Variants in APBA1 observed in about 807,000 individuals in gnomAD.
The protein encoded by APBA1 is amyloid beta precursor protein binding family A member 1.
APBA1 carries 55 observed loss-of-function variants against 86.6 expected under a neutral mutation model. The ratio of observed to expected loss-of-function variants is 0.64; its 90% confidence interval spans 0.51 to 0.80. The LOEUF is 0.80. APBA1 is among the 30% of genes least tolerant of loss of function. The probability of loss-of-function intolerance (pLI) is 0.00; values close to 1 mark genes in which losing one functional copy is unlikely to be tolerated. For synonymous variants in APBA1, 511 were observed against 493.9 expected (o/e 1.03, Z -0.46); for missense variants, 1,090 against 1,183.0 (o/e 0.92, Z 1.15).
intron 8 of APBA1, among the ~76,000 whole-genome samples, chr9:69,452,837 T>C (rs1466679682): frequency 3.9e-5 from 6 of 152,232 alleles, no homozygotes; most frequent in African/African-American, 1.4e-4. Context: ...CTTTGGAAAA[T>C]CAACATCAGC....
At chr9:69,619,947 C>A (rs1332824711) in intron 1 of APBA1, among the ~76,000 whole-genome samples, 1 of 152,164 alleles carries the variant, frequency 6.6e-6, no homozygotes, top group Non-Finnish European at 1.5e-5. Context: ...TTTGTATTCT[C>A]GGTTTCTACG....
chr9:69,620,736 G>A (rs1410929879), intron 1 of APBA1, among the ~76,000 whole-genome samples: 2 of 152,294 alleles, frequency 1.3e-5, no homozygotes, highest in Middle Eastern at 3.4e-3. Flanking sequence ...CAGATAGCAA[G>A]GAGAAACCCA....
chr9:69,630,269 G>A lies in APBA1; in HGVS notation c.-70+41884C>T, dbSNP rs116794908. ...AGAAAGAAGAATGACTGGGCATAAC[G>A]ATCAGGGGACGGGGCCAGCAACATG... On this transcript the variant is annotated intron_variant, in intron 1 of 12. Transcript: ENST00000265381. Among the ~76,000 whole-genome samples, 705 of 152,184 alleles carry A rather than the reference G, an allele frequency of 4.6e-3. 5 individuals are homozygous for A. The highest frequency in any genetic ancestry group is 0.01 in the Middle Eastern group (3 of 294).
chr9:69,667,450 C>T (rs754990535), intron 1 of APBA1, among the ~76,000 whole-genome samples: 3 of 151,876 alleles, frequency 2.0e-5, no homozygotes, highest in Non-Finnish European at 4.4e-5. Flanking sequence ...TGTCATTCTA[C>T]TCCTGGCTTC....
chr9:69,660,504 T>C (rs937522615), intron 1 of APBA1, among the ~76,000 whole-genome samples: 2 of 152,148 alleles, frequency 1.3e-5, no homozygotes, highest in East Asian at 1.9e-4. Context: ...GAAATGTTGG[T>C]TTTGTTTGTC....
At chr9:69,545,987 TTTTA>T (rs1836691226) in intron 1 of APBA1, among the ~76,000 whole-genome samples, 1 of 152,208 alleles carries the variant, frequency 6.6e-6, no homozygotes, top group African/African-American at 2.4e-5. Context: ...GAAAACACTT[TTTTA>T]TTTTTCATAA....
chr9:69,464,897 A>T (rs539748808), intron 5 of APBA1: 51 of 152,356 alleles, frequency 3.3e-4, no homozygotes, highest in African/African-American at 1.1e-3. Context: ...GGGCTAATAA[A>T]CAAGGTGTCC....
intron 1 of APBA1, among the ~76,000 whole-genome samples, chr9:69,530,306 GTA>G (rs370549415): frequency 0.014 from 1,588 of 116,042 alleles, 24 homozygotes; most frequent in African/African-American, 0.048. Flanking sequence ...TTGTGTGTGT[GTA>G]TATATATATA....
intron 2 of APBA1, among the ~76,000 whole-genome samples, chr9:69,504,109 T>C (rs1368914200): frequency 6.6e-6 from 1 of 152,044 alleles, no homozygotes; most frequent in African/African-American, 2.4e-5. Context: ...TCCAACATCA[T>C]TGTGTTTCCT....
chr9:69,595,351 A>C (rs995540663), intron 1 of APBA1, among the ~76,000 whole-genome samples: 5 of 152,220 alleles, frequency 3.3e-5, no homozygotes, highest in African/African-American at 1.2e-4. Flanking sequence ...CATACTGAAG[A>C]AAATCCACCT....
chr9:69,619,699 T>G (rs1564093894), intron 1 of APBA1, among the ~76,000 whole-genome samples: 1 of 152,198 alleles, frequency 6.6e-6, no homozygotes, highest in Non-Finnish European at 1.5e-5. Flanking sequence ...TTTCCCTGCT[T>G]AAACAATAAA....
intron 1 of APBA1, among the ~76,000 whole-genome samples, chr9:69,633,085 C>CTT (rs112455302): frequency 6.9e-6 from 1 of 143,916 alleles, no homozygotes. Flanking sequence ...ATCTTCCCTC[C>CTT]TTTTTTTTTT....
At chr9:69,525,748 C>T (rs1836332617) in intron 1 of APBA1, among the ~76,000 whole-genome samples, 12 of 152,088 alleles carry the variant, frequency 7.9e-5, no homozygotes, top group Admixed American at 6.6e-4. Flanking sequence ...GAACCACAAA[C>T]GAGCCTGAAT....
At chr9:69,437,267 G>A (rs1368393721) in intron 11 of APBA1, among the ~76,000 whole-genome samples, 1 of 151,474 alleles carries the variant, frequency 6.6e-6, no homozygotes, top group African/African-American at 2.4e-5. Context: ...GCCCGGCTTT[G>A]GTATCAGAAT....
Position 69,578,381 on chromosome 9 carries a change from A to G in APBA1, c.-69-61102T>C, listed in dbSNP as rs371436840. On this transcript the variant is annotated intron_variant, in intron 1 of 12. Transcript: ENST00000265381. ...TAGGTATGGGAAGGCCAGGGCATCT[A>G]GGGTCAAGATTTCAATCATCTTTTG... Among the ~76,000 whole-genome samples the G allele has an allele frequency of 1.3e-4, 20 of 152,272 alleles. No individual in the cohort carries two copies. In the East Asian group the frequency reaches 3.7e-3, roughly 28 times the overall value.
intron 2 of APBA1, 43 bp from the exon 3 acceptor site, chr9:69,476,186 T>C: frequency 6.8e-7 from 1 of 1,464,434 alleles, no homozygotes; most frequent in South Asian, 1.2e-5. Context: ...CTTGAGAGAC[T>C]CGGCAGACAC....
chr9:69,596,782 T>C lies in APBA1; in HGVS notation c.-70+75371A>G, dbSNP rs1271176247. ...AGAGGGCAGATACTAAAGGACACGATCTATCTTCTGTTGCAGTCTATCTTC... is the reference window on the plus strand; with the variant it reads ...AGAGGGCAGATACTAAAGGACACGACCTATCTTCTGTTGCAGTCTATCTTC... On this transcript the variant is annotated intron_variant, in intron 1 of 12. Coordinates refer to ENST00000265381, the MANE Select transcript of APBA1 (RefSeq NM_001163.4). Among the ~76,000 whole-genome samples the C allele has an allele frequency of 2.0e-5, 3 of 152,240 alleles. No homozygotes were observed. In the East Asian group the frequency reaches 5.8e-4, roughly 29 times the overall value.
At chr9:69,505,150 T>TA (rs1321712597) in intron 2 of APBA1, among the ~76,000 whole-genome samples, 1 of 152,016 alleles carries the variant, frequency 6.6e-6, no homozygotes, top group African/African-American at 2.4e-5. Flanking sequence ...CTTAAAATGA[T>TA]AAAGGTTGAT....
chr9:69,520,495 C>A (rs1308331414), intron 1 of APBA1, among the ~76,000 whole-genome samples: 1 of 152,088 alleles, frequency 6.6e-6, no homozygotes, highest in Non-Finnish European at 1.5e-5. Context: ...ATTTTAAACA[C>A]CAAATATTAA....
Sources: gnomAD v4.1 joint callset for allele counts (sites outside exome capture counted in the v4.1 genomes callset) on GRCh38, gnomAD v4.1.1 for gene constraint, MANE v1.5 for transcripts, NCBI Gene and HGNC (gene_info 2026-07-23, HGNC 2026-07-21) for gene names.